Variants in RALYL observed in about 807,000 individuals in gnomAD.
RALYL encodes the protein RNA-binding Raly-like protein.
Under a neutral mutation model 35.1 loss-of-function variants are expected in RALYL, and 29 were observed. That is an observed-to-expected ratio of 0.83 (90% confidence interval 0.61 to 1.13). The LOEUF (loss-of-function observed/expected upper bound fraction) is 1.13, where lower values mean the gene tolerates loss of function less well. Among genes scored for constraint, RALYL ranks in the 50% most tolerant of loss-of-function variants. The pLI, the probability that RALYL is intolerant of heterozygous loss-of-function variation, is 0.00. For missense variants in RALYL, 359 were observed against 360.4 expected, an observed-to-expected ratio of 1.00 and a Z score of 0.03; for synonymous variants, 120 against 127.6, an observed-to-expected ratio of 0.94 and a Z score of 0.40.
intron 1 of RALYL, among the ~76,000 whole-genome samples, chr8:84,310,114 T>G: frequency 6.6e-6 from 1 of 151,982 alleles, no homozygotes; most frequent in East Asian, 1.9e-4. Flanking sequence ...AATGGCATGA[T>G]AGCTCACTGC....
At chr8:84,752,036 T>A (rs1234488098) in intron 2 of RALYL, among the ~76,000 whole-genome samples, 2 of 152,010 alleles carry the variant, frequency 1.3e-5, no homozygotes, top group Non-Finnish European at 2.9e-5. Flanking sequence ...GACAGGAAGA[T>A]GAGGGAAGGT....
intron 1 of RALYL, among the ~76,000 whole-genome samples, chr8:84,311,635 C>A: frequency 6.6e-6 from 1 of 152,024 alleles, no homozygotes; most frequent in South Asian, 2.1e-4. Flanking sequence ...TCATAGGATC[C>A]CAATAAAATA....
intron 1 of RALYL, among the ~76,000 whole-genome samples, chr8:84,446,605 C>T (rs2048884054): frequency 6.6e-6 from 1 of 152,044 alleles, no homozygotes; most frequent in Non-Finnish European, 1.5e-5. Context: ...TTATTCTCTG[C>T]ATGAACACAT....
At chr8:84,474,117 T>C (rs1013687966) in intron 1 of RALYL, among the ~76,000 whole-genome samples, 6 of 152,132 alleles carry the variant, frequency 3.9e-5, no homozygotes, top group African/African-American at 1.4e-4. Context: ...CAAAAATTGA[T>C]TTATTGCCAG....
intron 3 of RALYL, among the ~76,000 whole-genome samples, chr8:84,803,288 G>C (rs572866709): frequency 1.3e-5 from 2 of 152,230 alleles, no homozygotes; most frequent in African/African-American, 2.4e-5. Context: ...CTAAATATGT[G>C]AACAATCTCC....
intron 2 of RALYL, among the ~76,000 whole-genome samples, chr8:84,754,994 A>G (rs1007538914): frequency 6.6e-6 from 1 of 152,192 alleles, no homozygotes; most frequent in Non-Finnish European, 1.5e-5. Flanking sequence ...AAGTGGAGCT[A>G]GAATTTGATC....
intron 1 of RALYL, among the ~76,000 whole-genome samples, chr8:84,211,148 T>A (rs1018738115): frequency 6.6e-6 from 1 of 152,102 alleles, no homozygotes; most frequent in Non-Finnish European, 1.5e-5. Context: ...TTAGGTCACT[T>A]GCTCATATCT....
intron 1 of RALYL, among the ~76,000 whole-genome samples, chr8:84,499,197 G>A (rs983898782): frequency 6.6e-6 from 1 of 151,768 alleles, no homozygotes; most frequent in African/African-American, 2.4e-5. Context: ...GCATCATTCA[G>A]TGAACATTGT....
chr8:84,726,453 T>C (rs1182187222), intron 2 of RALYL, among the ~76,000 whole-genome samples: 1 of 151,248 alleles, frequency 6.6e-6, no homozygotes, highest in Non-Finnish European at 1.5e-5. Context: ...TGGTAGACTA[T>C]AACTAAAGGA....
At chr8:84,688,251 C>T (rs1199309958) in intron 2 of RALYL, among the ~76,000 whole-genome samples, 3 of 151,770 alleles carry the variant, frequency 2.0e-5, no homozygotes, top group African/African-American at 7.3e-5. Flanking sequence ...CTTGGAATTC[C>T]ATAATCTAGA....
At chr8:84,588,125 G>C (rs1754823222) in intron 2 of RALYL, among the ~76,000 whole-genome samples, 1 of 152,156 alleles carries the variant, frequency 6.6e-6, no homozygotes, top group Non-Finnish European at 1.5e-5. Context: ...AGCTGGTGAA[G>C]TGCTGGGCTG....
rs946838625 is a variant in RALYL, at chr8:84,661,839, G to A, written c.257-112740G>A. ...CTTCTTCTTGCCTCTTTTCTTCCCA[G>A]ATAAAGTGGCCTGGCAGTGTAGAAG... On this transcript the variant is annotated intron_variant, in intron 2 of 8. Coordinates refer to ENST00000521268, the MANE Select transcript of RALYL (RefSeq NM_173848.7). Among the ~76,000 whole-genome samples the A allele has an allele frequency of 2.0e-5, 3 of 151,524 alleles. No homozygotes were observed. The East Asian group carries it at 5.8e-4, about 29-fold the overall frequency.
rs190030865 is a variant in RALYL at position 84,815,505 on chromosome 8, T to C, written c.365+10703T>C. Among the ~76,000 whole-genome samples, 718 of 149,938 alleles carry C rather than the reference T, an allele frequency of 4.8e-3. 4 individuals carry two copies. Among genetic ancestry groups the C allele is most frequent in the African/African-American group, 0.016 (677 of 41,148 alleles). ...ATAAAATATATTTATAAAATACATT[T>C]GAACATTAAAATTCTTGCCCATCTT... On this transcript the variant is annotated intron_variant, in intron 4 of 8. Transcript: ENST00000521268.
At chr8:84,897,874 A>C (rs1845009923) in intron 8 of RALYL, among the ~76,000 whole-genome samples, 1 of 152,218 alleles carries the variant, frequency 6.6e-6, no homozygotes, top group South Asian at 2.1e-4. Context: ...AGATGTTGCA[A>C]CCAGAACAAA....
At chr8:84,756,952 A>G (rs78352089) in intron 2 of RALYL, among the ~76,000 whole-genome samples, 4,770 of 152,154 alleles carry the variant, frequency 0.031, 250 homozygotes, top group African/African-American at 0.11. Flanking sequence ...AGAGACCGTG[A>G]ATGTGAACAC....
intron 1 of RALYL, among the ~76,000 whole-genome samples, chr8:84,466,886 G>C (rs771609971): frequency 2.6e-5 from 4 of 151,242 alleles, no homozygotes; most frequent in South Asian, 2.1e-4. Flanking sequence ...TGTATGTGTC[G>C]AGGAATTTAT....
Position 84,669,487 on chromosome 8 carries a change from T to TCC in RALYL, c.257-105081_257-105080dup, listed in dbSNP as rs71273910. The stretch of plus-strand genomic sequence containing the variant: ...CAGCCCACATCTTCTCCCTCCCCCC[T>TCC]CCCCCCCCCCCCACTCTATTAGTTC... On this transcript the variant is annotated intron_variant, in intron 2 of 8. Transcript: ENST00000521268. Among the ~76,000 whole-genome samples the TCC allele has an allele frequency of 5.3e-3, 83 of 15,520 alleles. 1 individual carries two copies. The highest frequency in any genetic ancestry group is 0.012 in the East Asian group (4 of 346). 10.2% of individuals were successfully genotyped at this position (15,520 alleles called of 152,430 possible). A position where few individuals can be genotyped will look rare whatever the true frequency, so the allele number is the denominator to read the frequency against.
At chr8:84,219,862 T>TACAG (rs2131291220) in intron 1 of RALYL, among the ~76,000 whole-genome samples, 2 of 151,038 alleles carry the variant, frequency 1.3e-5, no homozygotes, top group Non-Finnish European at 3.0e-5. Flanking sequence ...ACAGAAGACG[T>TACAG]ATAGATAGAT....
intron 1 of RALYL, among the ~76,000 whole-genome samples, chr8:84,373,255 A>G (rs1320340559): frequency 6.6e-6 from 1 of 151,568 alleles, no homozygotes; most frequent in Admixed American, 6.6e-5. Flanking sequence ...TGCTTTTGTT[A>G]AAATTGCTTT....
Sources: allele counts gnomAD v4.1 joint callset (sites outside exome capture counted in the v4.1 genomes callset), GRCh38; gene constraint gnomAD v4.1.1; transcripts MANE v1.5; gene names NCBI Gene and HGNC (gene_info 2026-07-23, HGNC 2026-07-21).